Variants in EPHB1 observed in about 807,000 individuals in gnomAD.
EPHB1 encodes ephrin type-B receptor 1.
In EPHB1, 30 loss-of-function variants were observed where a neutral mutation model predicts 94.4. The observed-to-expected ratio is 0.32, with a 90% CI of 0.24 to 0.43. The LOEUF (loss-of-function observed/expected upper bound fraction) is 0.43. EPHB1 is among the 20% of genes least tolerant of loss of function. The pLI is 1.00. For synonymous variants in EPHB1, 522 were observed against 489.1 expected (o/e 1.07, Z -0.89); for missense variants, 1,055 against 1,308.3 (o/e 0.81, Z 2.99).
chr3:135,115,622 C>T (rs773081828), intron 4 of EPHB1, among the ~76,000 whole-genome samples: 9 of 151,958 alleles, frequency 5.9e-5, no homozygotes, highest in Middle Eastern at 3.4e-3. Context: ...CAGGTGTGTC[C>T]GATGCAGTCA....
chr3:135,122,222 C>T (rs1382003104), intron 4 of EPHB1, among the ~76,000 whole-genome samples: 1 of 152,152 alleles, frequency 6.6e-6, no homozygotes, highest in Non-Finnish European at 1.5e-5. Context: ...TGTCAAGGAT[C>T]AATGAATGAT....
At chr3:135,119,258 C>G (rs1336662468) in intron 4 of EPHB1, among the ~76,000 whole-genome samples, 3 of 152,106 alleles carry the variant, frequency 2.0e-5, no homozygotes, top group African/African-American at 7.2e-5. Flanking sequence ...CCCTCCAGCC[C>G]TCCATTTATT....
intron 3 of EPHB1, among the ~76,000 whole-genome samples, chr3:135,059,882 G>T (rs191086820): frequency 3.9e-5 from 6 of 152,266 alleles, no homozygotes; most frequent in Non-Finnish European, 7.4e-5. Flanking sequence ...CGATGTAAGA[G>T]ATGAGAATCC....
chr3:134,935,296 G>T (rs1232690981), intron 2 of EPHB1, among the ~76,000 whole-genome samples: 2 of 152,112 alleles, frequency 1.3e-5, no homozygotes, highest in African/African-American at 4.8e-5. Context: ...CGAACAGGAG[G>T]AAAACAGGCG....
At chr3:135,023,247 T>C (rs923117471) in intron 3 of EPHB1, among the ~76,000 whole-genome samples, 3 of 152,244 alleles carry the variant, frequency 2.0e-5, no homozygotes, top group Non-Finnish European at 2.9e-5. Flanking sequence ...GATTAATATG[T>C]TCAGTATGAT....
intron 3 of EPHB1, among the ~76,000 whole-genome samples, chr3:135,000,228 C>A (rs954415740): frequency 6.6e-6 from 1 of 152,234 alleles, no homozygotes; most frequent in South Asian, 2.1e-4. Flanking sequence ...AAAATGAGGT[C>A]TCTCTTAATT....
intron 7 of EPHB1, 58 bp from the exon 8 acceptor site, chr3:135,165,910 G>T (rs1941639554): frequency 8.1e-7 from 1 of 1,232,708 alleles, no homozygotes; most frequent in African/African-American, 1.5e-5. Flanking sequence ...TGTGCACTGA[G>T]TATCAGCTGT....
intron 1 of EPHB1, among the ~76,000 whole-genome samples, chr3:134,899,562 T>C (rs1365581764): frequency 1.3e-5 from 2 of 152,250 alleles, no homozygotes; most frequent in Non-Finnish European, 1.5e-5. Context: ...TAAATATCTT[T>C]CTAAATATAG....
At chr3:134,899,335 C>A (rs1294635421) in intron 1 of EPHB1, among the ~76,000 whole-genome samples, 1 of 152,120 alleles carries the variant, frequency 6.6e-6, no homozygotes, top group African/African-American at 2.4e-5. Flanking sequence ...GATTGGCCTG[C>A]GATGTTCCTT....
intron 1 of EPHB1, among the ~76,000 whole-genome samples, chr3:134,869,633 G>A (rs752626209): frequency 1.3e-5 from 2 of 152,154 alleles, no homozygotes; most frequent in East Asian, 3.8e-4. Context: ...TCTTTTAATA[G>A]AGCAAGAACT....
At chr3:135,206,961 A>G (rs184758022) in intron 12 of EPHB1, among the ~76,000 whole-genome samples, 2 of 152,266 alleles carry the variant, frequency 1.3e-5, no homozygotes, top group East Asian at 3.9e-4. Flanking sequence ...TTTCAAGTGC[A>G]ATTTAAAATC....
chr3:134,945,493 C>T (rs972770728), intron 2 of EPHB1, among the ~76,000 whole-genome samples: 7 of 152,192 alleles, frequency 4.6e-5, no homozygotes, highest in African/African-American at 1.7e-4. Context: ...AAATGATTTA[C>T]CTTCTTCATA....
chr3:135,164,921 A>G (rs901340800), intron 7 of EPHB1, among the ~76,000 whole-genome samples: 2 of 152,150 alleles, frequency 1.3e-5, no homozygotes, highest in African/African-American at 4.8e-5. Flanking sequence ...TAGTGTAAGT[A>G]TCTCCCAAGC....
intron 12 of EPHB1, among the ~76,000 whole-genome samples, chr3:135,232,820 A>G (rs1943564318): frequency 6.6e-6 from 1 of 152,180 alleles, no homozygotes. Flanking sequence ...AAGGGGAAGC[A>G]AACATGTCTT....
Position 135,058,678 on chromosome 3 carries a change from T to C in EPHB1, c.806-47770T>C, listed in dbSNP as rs530979142. On this transcript the variant is annotated intron_variant, in intron 3 of 15. Coordinates refer to ENST00000398015, the MANE Select transcript of EPHB1 (RefSeq NM_004441.5). ...CCCCAGCATGTGAAGCTTTACCTGT[T>C]CCTTCAACATTGACTGTTCCCTGCA... Among the ~76,000 whole-genome samples the C allele has an allele frequency of 5.9e-5, 9 of 152,328 alleles. No homozygotes were observed. In the East Asian group the frequency reaches 1.7e-3, roughly 29 times the overall value.
intron 3 of EPHB1, among the ~76,000 whole-genome samples, chr3:135,016,310 C>T (rs1304345108): frequency 6.6e-6 from 1 of 152,188 alleles, no homozygotes; most frequent in Non-Finnish European, 1.5e-5. Context: ...TGTGGTTTCA[C>T]CTAGGATCTG....
intron 1 of EPHB1, among the ~76,000 whole-genome samples, chr3:134,821,485 C>T (rs897428337): frequency 6.7e-6 from 1 of 149,764 alleles, no homozygotes; most frequent in Non-Finnish European, 1.5e-5. Flanking sequence ...AAGGAATTAG[C>T]CAGTAAAGTG....
intron 3 of EPHB1, among the ~76,000 whole-genome samples, chr3:135,038,077 C>T (rs1006116446): frequency 1.3e-5 from 2 of 152,222 alleles, no homozygotes; most frequent in Non-Finnish European, 2.9e-5. Context: ...CCACTATCCT[C>T]ACCAGAGTAA....
At chr3:134,974,829 G>A (rs1180619913) in intron 3 of EPHB1, among the ~76,000 whole-genome samples, 2 of 138,270 alleles carry the variant, frequency 1.4e-5, no homozygotes, top group Non-Finnish European at 3.1e-5. Context: ...TCTCTGATCC[G>A]TGGCAGCATT....
Sources: gnomAD v4.1 joint callset for allele counts (sites outside exome capture counted in the v4.1 genomes callset) on GRCh38, gnomAD v4.1.1 for gene constraint, MANE v1.5 for transcripts, NCBI Gene and HGNC (gene_info 2026-07-23, HGNC 2026-07-21) for gene names.